The following TNFAIP8L1 variants were observed in gnomAD, a reference collection of about 807,000 sequenced individuals.
The protein encoded by TNFAIP8L1 is tumor necrosis factor alpha-induced protein 8-like protein 1.
For synonymous variants in TNFAIP8L1, 127 were observed against 125.6 expected, an observed-to-expected ratio of 1.01 and a Z score of -0.08; for missense variants, 225 against 266.1, an observed-to-expected ratio of 0.85 and a Z score of 1.08.
At chr19:4,649,273 A>G (rs1296157494) in intron 1 of TNFAIP8L1, among the ~76,000 whole-genome samples, 1 of 151,346 alleles carries the variant, frequency 6.6e-6, no homozygotes, top group Non-Finnish European at 1.5e-5. Context: ...AGATAGAACT[A>G]GGTCTGCAAG....
intron 1 of TNFAIP8L1, among the ~76,000 whole-genome samples, chr19:4,648,676 T>C (rs1315426583): frequency 6.6e-6 from 1 of 152,174 alleles, no homozygotes; most frequent in African/African-American, 2.4e-5. Context: ...CGGAATCAAC[T>C]TCTTCAGCCT....
At chr19:4,651,751 C>G in intron 1 of TNFAIP8L1, 116 bp from the exon 2 acceptor site, 2 of 1,217,820 alleles carry the variant, frequency 1.6e-6, no homozygotes, top group South Asian at 3.1e-5. Context: ...TCCGGCATGA[C>G]ACTTTTTAAA....
At chr19:4,649,280 C>T (rs912165278) in intron 1 of TNFAIP8L1, among the ~76,000 whole-genome samples, 1 of 151,408 alleles carries the variant, frequency 6.6e-6, no homozygotes, top group African/African-American at 2.4e-5. Flanking sequence ...ACTAGGTCTG[C>T]AAGTTCACAG....
At chr19:4,647,170 C>T (rs1268149926) in intron 1 of TNFAIP8L1, among the ~76,000 whole-genome samples, 1 of 152,162 alleles carries the variant, frequency 6.6e-6, no homozygotes, top group East Asian at 1.9e-4. Context: ...TGGGTCACGC[C>T]GCTGTAAACT....
rs957240539 is a variant in TNFAIP8L1 at position 4,641,049 on chromosome 19, G to C, written c.-4+1420G>C. 6.6e-6 allele frequency: 1 copy of C among 151,878 alleles called. No individual in the cohort carries two copies. Among genetic ancestry groups the C allele is most frequent in the Non-Finnish European group, 1.5e-5 (1 of 67,998 alleles). 9.4% of individuals were successfully genotyped at this position (151,878 alleles called of 1,614,324 possible). A position where few individuals can be genotyped will look rare whatever the true frequency, so the allele number is the denominator to read the frequency against. On this transcript the variant is annotated intron_variant, in intron 1 of 1. Coordinates refer to ENST00000327473, the MANE Select transcript of TNFAIP8L1 (RefSeq NM_152362.3). This position sits in a 1 kb window ranked among gnomAD's most constrained non-coding sequence, Gnocchi z 4.6. ...GAATATGGGGCCGGGGGGGGGACTT[G>C]AACCCTGCTCCAATGGTGGGGTGGC...
chr19:4,648,860 A>G (rs772665527), intron 1 of TNFAIP8L1, among the ~76,000 whole-genome samples: 4 of 150,926 alleles, frequency 2.7e-5, no homozygotes, highest in African/African-American at 7.3e-5. Context: ...CGGTTTATTC[A>G]TCTATGAACT....
intron 1 of TNFAIP8L1, chr19:4,642,542 GGGAGGGCTTCCTGA>G (rs1193457249): frequency 6.6e-6 from 1 of 152,100 alleles, no homozygotes; most frequent in Admixed American, 6.6e-5. Flanking sequence ...TGGGGGATCT[GGGAGGGCTTCCTGA>G]GGAGGGGCCA....
Position 4,652,030 on chromosome 19 carries a change from A to G in TNFAIP8L1, c.161A>G (p.Lys54Arg). 1.2e-6 allele frequency: 2 copies of G among 1,613,928 alleles called. No individual in the cohort carries two copies. Among genetic ancestry groups the G allele is most frequent in the South Asian group, 2.2e-5 (2 of 91,040 alleles). The change falls in exon 2 of 2, where the codon AAG (lysine) becomes AGG (arginine). Residue 54 changes from lysine (K) to arginine (R), a missense_variant. Lys to Arg is a conservative substitution (Grantham distance 26). Coordinates refer to ENST00000327473, the MANE Select transcript of TNFAIP8L1 (RefSeq NM_152362.3). ...ACCAGGGAGTTCACGCGCAGCCGCA[A>G]GGAGGCCCAGAAGATGCTCAAGAAC... ...RATREFTRSR[K>R]EAQKMLKNLV...
Position 4,651,964 on chromosome 19 carries a change from A to G in TNFAIP8L1, c.95A>G (p.Asp32Gly), listed in dbSNP as rs76061446. ...ASKAVVAVLVDDTSSEVLDEL... is the reference protein window; with the variant it reads ...ASKAVVAVLVGDTSSEVLDEL... ...AAGGCAGTGGTGGCCGTGCTGGTGG[A>G]TGACACCAGCAGTGAGGTGCTGGAT... Residue 32 changes from aspartate (D) to glycine (G), a missense_variant, in exon 2 of 2, where the codon GAT becomes GGT. Transcript: ENST00000327473. 3 of 1,614,060 alleles carry G rather than the reference A, an allele frequency of 1.9e-6. No homozygotes were observed. The South Asian group carries it at 3.3e-5, about 18-fold the overall frequency.
rs776723419 is a variant in TNFAIP8L1 at position 4,655,143 on chromosome 19, CT to C, written c.*2714del. 4 of 152,348 alleles carry C rather than the reference CT, an allele frequency of 2.6e-5. No individual in the cohort carries two copies. The highest frequency in any genetic ancestry group is 2.9e-5 in the Non-Finnish European group (2 of 68,136). The allele number at this position is 152,348 out of a possible 1,614,324, so 9.4% of individuals were successfully genotyped here. A position where few individuals can be genotyped will look rare whatever the true frequency, so the allele number is the denominator to read the frequency against. On this transcript the variant is annotated 3_prime_UTR_variant, in exon 2 of 2. Transcript: ENST00000327473. ...TGGTGAAGCTGTGCAGGGGCCGCCC[CT>C]CTCCCTTTCACCACAGTCCTCTCCA...
Position 4,641,060 on chromosome 19 carries a change from C to T in TNFAIP8L1, c.-4+1431C>T. 1 of 152,386 alleles carries T rather than the reference C, an allele frequency of 6.6e-6. No individual in the cohort carries two copies. The highest frequency in any genetic ancestry group is 1.5e-5 in the Non-Finnish European group (1 of 68,146). The allele number at this position is 152,386 out of a possible 1,614,324, so 9.4% of individuals were successfully genotyped here. On this transcript the variant is annotated intron_variant, in intron 1 of 1. Coordinates refer to ENST00000327473, the MANE Select transcript of TNFAIP8L1 (RefSeq NM_152362.3). The surrounding 1 kb of genome is among the most constrained non-coding windows in gnomAD (Gnocchi z 4.6). ...CGGGGGGGGGACTTGAACCCTGCTC[C>T]AATGGTGGGGTGGCTCTGCAGACGG...
In TNFAIP8L1 at chr19:4,652,348, A is replaced by G; in HGVS notation, c.479A>G (p.Tyr160Cys). ...GACTGCGACTTCCTGGCTGCGCTCT[A>G]CGGCCCCGCCGAGCCCTACCGCTCC... Reference protein sequence around the residue: ...LADCDFLAALYGPAEPYRSHL... With the variant: ...LADCDFLAALCGPAEPYRSHL... The change falls in exon 2 of 2, where the codon TAC (tyrosine) becomes TGC (cysteine). Residue 160 changes from tyrosine (Y) to cysteine (C), a missense_variant. By Grantham distance (194) the Tyr-to-Cys change is radical (BLOSUM62 -2). Transcript: ENST00000327473. The G allele has an allele frequency of 1.3e-6, 2 of 1,550,812 alleles. No individual in the cohort carries two copies. Among genetic ancestry groups the G allele is most frequent in the Non-Finnish European group, 8.7e-7 (1 of 1,150,086 alleles).
intron 1 of TNFAIP8L1, 129 bp from the exon 2 acceptor site, chr19:4,651,738 G>C: frequency 9.3e-7 from 1 of 1,074,924 alleles, no homozygotes; most frequent in Non-Finnish European, 1.3e-6. Flanking sequence ...GTGAGCCACT[G>C]CGTCCGGCAT....
rs1292396964 is a variant in TNFAIP8L1 at position 4,645,384 on chromosome 19, C to T, written c.-4+5755C>T. Among the ~76,000 whole-genome samples the T allele has an allele frequency of 2.6e-5, 4 of 152,020 alleles. No homozygotes were observed. Among genetic ancestry groups the T allele is most frequent in the African/African-American group, 9.7e-5 (4 of 41,380 alleles). Reference sequence around the variant, plus strand: ...CCGACATGGCCAAACCCCGTCTCTACTAAAAATACACAAATTTGTATTTTT... The same window carrying T: ...CCGACATGGCCAAACCCCGTCTCTATTAAAAATACACAAATTTGTATTTTT... On this transcript the variant is annotated intron_variant, in intron 1 of 1. Coordinates refer to ENST00000327473, the MANE Select transcript of TNFAIP8L1 (RefSeq NM_152362.3). The surrounding 1 kb of genome is among the most constrained non-coding windows in gnomAD (Gnocchi z 4.1).
At chr19:4,649,271 C>T (rs1309062291) in intron 1 of TNFAIP8L1, among the ~76,000 whole-genome samples, 1 of 151,142 alleles carries the variant, frequency 6.6e-6, no homozygotes, top group African/African-American at 2.4e-5. Context: ...TGAGATAGAA[C>T]TAGGTCTGCA....
chr19:4,646,233 C>T (rs2088309920), intron 1 of TNFAIP8L1, among the ~76,000 whole-genome samples: 1 of 151,822 alleles, frequency 6.6e-6, no homozygotes, highest in Non-Finnish European at 1.5e-5. Context: ...AGCGGTTCTC[C>T]TGCCTCAGTC....
chr19:4,641,883 A>G lies in TNFAIP8L1; in HGVS notation c.-4+2254A>G, dbSNP rs2088264334. On this transcript the variant is annotated intron_variant, in intron 1 of 1. Coordinates refer to ENST00000327473, the MANE Select transcript of TNFAIP8L1 (RefSeq NM_152362.3). This position sits in a 1 kb window ranked among gnomAD's most constrained non-coding sequence, Gnocchi z 4.6. ...GCTGGGTTCAAATTCTGATTCTGCC[A>G]CATCACTGCTTTATAAACAGGCAAG... 6.6e-6 allele frequency: 1 copy of G among 152,228 alleles called. No individual in the cohort carries two copies. The highest frequency in any genetic ancestry group is 2.1e-4 in the South Asian group (1 of 4,834). 9.4% of individuals were successfully genotyped at this position (152,228 alleles called of 1,614,324 possible).
intron 1 of TNFAIP8L1, among the ~76,000 whole-genome samples, chr19:4,645,000 C>A (rs1032191347): frequency 6.6e-6 from 1 of 152,138 alleles, no homozygotes; most frequent in Admixed American, 6.6e-5. Context: ...GGCCTGAGGC[C>A]CCCCCTGGGC....
intron 1 of TNFAIP8L1, among the ~76,000 whole-genome samples, chr19:4,648,291 C>G (rs1340450490): frequency 1.3e-5 from 2 of 152,156 alleles, no homozygotes; most frequent in Non-Finnish European, 2.9e-5. Flanking sequence ...CAGGCAGTCC[C>G]TAGGAAGGCC....
Sources: allele counts gnomAD v4.1 joint callset (sites outside exome capture counted in the v4.1 genomes callset), GRCh38; gene constraint gnomAD v4.1.1; non-coding constraint Gnocchi (gnomAD v3.1); transcripts MANE v1.5; gene names NCBI Gene and HGNC (gene_info 2026-07-23, HGNC 2026-07-21).